Variants in CCDC7 observed in about 807,000 individuals in gnomAD.
CCDC7 encodes coiled-coil domain containing 7.
In CCDC7, 183 loss-of-function variants were observed where a neutral mutation model predicts 196.9. The ratio of observed to expected loss-of-function variants is 0.93; its 90% CI spans 0.82 to 1.05. The LOEUF is 1.05. CCDC7 is among the 50% of genes least tolerant of loss of function. The pLI is 0.00. For synonymous variants in CCDC7, 525 were observed against 484.6 expected (o/e 1.08, Z -1.10); for missense variants, 1,540 against 1,482.2 (o/e 1.04, Z -0.64).
intron 13 of CCDC7, among the ~76,000 whole-genome samples, chr10:32,564,845 C>G (rs2056507992): frequency 6.6e-6 from 1 of 151,670 alleles, no homozygotes; most frequent in African/African-American, 2.4e-5. Context: ...TGTGTGGTGG[C>G]TCATGCCTAT....
At chr10:32,641,578 T>A (rs2066806950) in intron 20 of CCDC7, among the ~76,000 whole-genome samples, 1 of 152,188 alleles carries the variant, frequency 6.6e-6, no homozygotes, top group Non-Finnish European at 1.5e-5. Flanking sequence ...AGTTTTTAAC[T>A]CCTTTGCAAT....
chr10:32,742,886 T>G (rs1278237407), intron 28 of CCDC7, among the ~76,000 whole-genome samples: 1 of 152,192 alleles, frequency 6.6e-6, no homozygotes, highest in Non-Finnish European at 1.5e-5. Flanking sequence ...ACATTAGAGA[T>G]TAGAGTTTTG....
chr10:32,838,152 G>T (rs1165385535), intron 33 of CCDC7, among the ~76,000 whole-genome samples: 1 of 152,022 alleles, frequency 6.6e-6, no homozygotes. Flanking sequence ...CATAAAGGGG[G>T]TATAGTGACA....
At chr10:32,562,148 G>A (rs1373194622) in intron 13 of CCDC7, among the ~76,000 whole-genome samples, 1 of 152,138 alleles carries the variant, frequency 6.6e-6, no homozygotes, top group African/African-American at 2.4e-5. Flanking sequence ...CTGAAATTGT[G>A]GCAATAATCA....
At chr10:32,530,867 C>T (rs1450225993) in intron 11 of CCDC7, among the ~76,000 whole-genome samples, 2 of 151,930 alleles carry the variant, frequency 1.3e-5, no homozygotes, top group Non-Finnish European at 2.9e-5. Context: ...TCAATTTTTC[C>T]CCATTCAGTA....
intron 28 of CCDC7, among the ~76,000 whole-genome samples, chr10:32,756,084 C>A (rs562898928): frequency 1.8e-3 from 269 of 152,214 alleles, no homozygotes; most frequent in Middle Eastern, 0.014. Context: ...ATGAACAAAG[C>A]CTCCAAGAAA....
chr10:32,614,620 A>C (rs1240934403), intron 18 of CCDC7, among the ~76,000 whole-genome samples: 1 of 152,112 alleles, frequency 6.6e-6, no homozygotes, highest in Non-Finnish European at 1.5e-5. Context: ...CTAAATACTG[A>C]ACATTGTACC....
intron 18 of CCDC7, among the ~76,000 whole-genome samples, chr10:32,598,919 T>G (rs146880243): frequency 2.0e-5 from 3 of 152,316 alleles, no homozygotes; most frequent in African/African-American, 7.2e-5. Flanking sequence ...CATATATGTG[T>G]TAGGTCCAGT....
At chr10:32,673,897 C>G in intron 21 of CCDC7, among the ~76,000 whole-genome samples, 1 of 151,862 alleles carries the variant, frequency 6.6e-6, no homozygotes, top group Non-Finnish European at 1.5e-5. Context: ...GTTTGTTGGT[C>G]CATAAATTGT....
intron 22 of CCDC7, among the ~76,000 whole-genome samples, 190 bp downstream of exon 23, chr10:32,686,270 G>A (rs1370698043): frequency 3.3e-5 from 5 of 152,132 alleles, no homozygotes; most frequent in African/African-American, 4.8e-5. Flanking sequence ...TTGTTGTAAC[G>A]GTATTTTGTA....
At chr10:32,774,650 T>G (rs1486654834) in intron 28 of CCDC7, among the ~76,000 whole-genome samples, 2 of 152,202 alleles carry the variant, frequency 1.3e-5, no homozygotes, top group African/African-American at 4.8e-5. Flanking sequence ...GTATTTTTTT[T>G]CTAGGGGAAG....
chr10:32,565,674 A>G, intron 14 of CCDC7, 54 bp downstream of exon 15: 1 of 1,557,774 alleles, frequency 6.4e-7, no homozygotes, highest in Non-Finnish European at 8.7e-7. Context: ...AAATATCCAC[A>G]AAGAACTTTT....
chr10:32,851,925 C>T (rs1166977983), exon 40 of CCDC7: 1 of 1,589,362 alleles, frequency 6.3e-7, no homozygotes, highest in African/African-American at 1.4e-5. Context: ...TGAATCAACT[C>T]CCTTCAGGTA....
chr10:32,476,821 T>C (rs1042370811), intron 8 of CCDC7, among the ~76,000 whole-genome samples: 10 of 152,260 alleles, frequency 6.6e-5, no homozygotes, highest in Admixed American at 5.9e-4. Flanking sequence ...ATGTTGAGCA[T>C]GTTTTCATAA....
At chr10:32,709,610 G>A (rs1252690624) in intron 24 of CCDC7, among the ~76,000 whole-genome samples, 1 of 152,170 alleles carries the variant, frequency 6.6e-6, no homozygotes, top group Non-Finnish European at 1.5e-5. Flanking sequence ...AGGCAGTAAT[G>A]TGAATGATGG....
chr10:32,586,536 C>T (rs973331403), intron 18 of CCDC7, among the ~76,000 whole-genome samples: 5 of 151,938 alleles, frequency 3.3e-5, no homozygotes, highest in East Asian at 1.9e-4. Flanking sequence ...TAATCCATCT[C>T]GAGTTAATTT....
At chr10:32,737,528 A>C (rs139886004) in intron 28 of CCDC7, among the ~76,000 whole-genome samples, 1 of 152,318 alleles carries the variant, frequency 6.6e-6, no homozygotes, top group South Asian at 2.1e-4. Flanking sequence ...ATCTATAAGC[A>C]TCAATTAGAT....
chr10:32,542,569 C>A (rs571345775), intron 11 of CCDC7, among the ~76,000 whole-genome samples: 3 of 139,104 alleles, frequency 2.2e-5, no homozygotes, highest in African/African-American at 8.0e-5. Context: ...GGAGGCAGAG[C>A]TTGCAGTGAG....
intron 33 of CCDC7, among the ~76,000 whole-genome samples, 183 bp from the exon 35 acceptor site, chr10:32,845,060 T>C (rs1172974531): frequency 1.3e-5 from 2 of 151,812 alleles, no homozygotes; most frequent in Non-Finnish European, 3.0e-5. Context: ...CTAATATTTA[T>C]GGTTTATTCA....
Sources: allele counts gnomAD v4.1 joint callset (sites outside exome capture counted in the v4.1 genomes callset), GRCh38; gene constraint gnomAD v4.1.1; transcripts MANE v1.5; gene names NCBI Gene and HGNC (gene_info 2026-07-23, HGNC 2026-07-21).